Variants in CEP126 observed in about 807,000 individuals in gnomAD.
CEP126 encodes the protein centrosomal protein 126.
In CEP126, 74 loss-of-function variants were observed where a neutral mutation model predicts 107.8. That is an observed-to-expected ratio of 0.69 (90% CI 0.57 to 0.83). CEP126 has a LOEUF of 0.83. Among genes scored for constraint, CEP126 ranks in the 40% least tolerant of loss-of-function variants. The pLI is 0.00. For missense variants in CEP126, 1,237 were observed against 1,281.9 expected (o/e 0.96, Z 0.53); for synonymous variants, 449 against 446.0 (o/e 1.01, Z -0.08).
intron 3 of CEP126, among the ~76,000 whole-genome samples, chr11:101,947,674 G>A (rs534973272): frequency 1.3e-5 from 2 of 152,192 alleles, no homozygotes; most frequent in East Asian, 3.9e-4. Context: ...GTTAGTTGGT[G>A]TTTTTGTATG....
intron 10 of CEP126, among the ~76,000 whole-genome samples, chr11:101,994,486 GT>G (rs1310747714): frequency 1.3e-5 from 2 of 151,936 alleles, no homozygotes; most frequent in Non-Finnish European, 2.9e-5. Context: ...ATCCTCCAGG[GT>G]TTTTATAGTT....
In CEP126 at chr11:101,915,197, G is replaced by A; in HGVS notation, c.-88G>A. The A allele has an allele frequency of 4.4e-6, 7 of 1,574,482 alleles. No homozygotes were observed. The highest frequency in any genetic ancestry group is 6.0e-6 in the Non-Finnish European group (7 of 1,157,414). ...CGCGGGGCCTGAGAGACGGAGTGTA[G>A]GGAGGGGCCGAGCAGGAGGAGGAGG... On this transcript the variant is annotated 5_prime_UTR_variant, in exon 1 of 11. Transcript: ENST00000263468.
In CEP126 at chr11:101,927,695, CT is replaced by C. The variant is rs201935381; in HGVS notation, c.248+4938del. ...AGGATTGACTTTTCTCAGTACAATT[CT>C]TTGGGATTCATTCAAGTTGTAGTGT... is the stretch of plus-strand genomic sequence containing the variant. On this transcript the variant is annotated intron_variant, in intron 2 of 10. Coordinates refer to ENST00000263468, the MANE Select transcript of CEP126 (RefSeq NM_020802.4). Among the ~76,000 whole-genome samples the C allele has an allele frequency of 8.4e-3, 1,279 of 152,192 alleles. 20 individuals carry two copies. Among genetic ancestry groups the C allele is most frequent in the African/African-American group, 0.029 (1,206 of 41,528 alleles).
intron 7 of CEP126, among the ~76,000 whole-genome samples, chr11:101,981,667 T>A (rs191458954): frequency 2.2e-4 from 34 of 152,178 alleles, no homozygotes; most frequent in Non-Finnish European, 2.9e-5. Context: ...AATCTGAAAA[T>A]TTTTTTGTGG....
At chr11:101,921,387 G>A (rs939029579) in intron 1 of CEP126, among the ~76,000 whole-genome samples, 1 of 151,988 alleles carries the variant, frequency 6.6e-6, no homozygotes, top group Non-Finnish European at 1.5e-5. Context: ...GACTATGAGG[G>A]CAACTTGTTA....
At chr11:101,959,995 G>T (rs915398603) in intron 5 of CEP126, among the ~76,000 whole-genome samples, 4 of 152,042 alleles carry the variant, frequency 2.6e-5, no homozygotes, top group African/African-American at 9.7e-5. Flanking sequence ...ACCATCGCTG[G>T]AAATGTTTCA....
At chr11:101,933,038 G>A (rs1460745738) in intron 2 of CEP126, among the ~76,000 whole-genome samples, 7 of 152,158 alleles carry the variant, frequency 4.6e-5, no homozygotes, top group African/African-American at 1.2e-4. Flanking sequence ...AAAGCATTGT[G>A]TTAGGAACAG....
At position 101,952,763 on chromosome 11, in the gene CEP126, A is replaced by G. The variant is rs546120836; in HGVS notation, c.506+4621A>G. Among the ~76,000 whole-genome samples, 7 of 152,348 alleles carry G rather than the reference A, an allele frequency of 4.6e-5. No individual in the cohort carries two copies. In the South Asian group the frequency reaches 1.0e-3, roughly 23 times the overall value. ...TATTCAAGAGCCAATTTCTTATAGTAAGAAATCTGGGCCATGAATGTAGAC... is the reference window on the plus strand; with the variant it reads ...TATTCAAGAGCCAATTTCTTATAGTGAGAAATCTGGGCCATGAATGTAGAC... On this transcript the variant is annotated intron_variant, in intron 4 of 10. Transcript: ENST00000263468.
chr11:101,964,470 C>T (rs1941035368), intron 6 of CEP126, among the ~76,000 whole-genome samples: 1 of 149,660 alleles, frequency 6.7e-6, no homozygotes, highest in Admixed American at 6.6e-5. Context: ...CCTGTCTCTA[C>T]AAAAATACAA....
Position 101,958,340 on chromosome 11 carries a change from G to GA in CEP126, c.681dup (p.Asp228ArgfsTer12). The GA allele has an allele frequency of 3.7e-6, 6 of 1,613,792 alleles. No individual in the cohort carries two copies. Among genetic ancestry groups the GA allele is most frequent in the Non-Finnish European group, 5.1e-6 (6 of 1,179,852 alleles). Reference sequence around the variant, plus strand: ...ACTGGAGGAAACTCAGAAACTCCTCGAAGATCAACATCTAAGCAATTTGCA... The same window carrying GA: ...ACTGGAGGAAACTCAGAAACTCCTCGAAAGATCAACATCTAAGCAATTTGCA... On this transcript the variant is annotated frameshift_variant, in exon 5 of 11. Transcript: ENST00000263468. LOFTEE classifies it high-confidence loss of function.
At chr11:101,968,459 A>C (rs1941085808) in intron 6 of CEP126, among the ~76,000 whole-genome samples, 1 of 152,208 alleles carries the variant, frequency 6.6e-6, no homozygotes. Flanking sequence ...TTTTGTCAAT[A>C]AAATATTAGG....
intron 2 of CEP126, among the ~76,000 whole-genome samples, chr11:101,936,638 A>T (rs1013637077): frequency 6.6e-6 from 1 of 152,214 alleles, no homozygotes; most frequent in South Asian, 2.1e-4. Context: ...TCTTTGCCTT[A>T]TACCTTTTGG....
chr11:101,964,487 GC>G, intron 6 of CEP126, among the ~76,000 whole-genome samples: 1 of 152,076 alleles, frequency 6.6e-6, no homozygotes, highest in Non-Finnish European at 1.5e-5. Context: ...ACAAAAATTA[GC>G]CGGGCATGGT....
At chr11:101,971,535 CGGGGGGAGGTG>C (rs1042785188) in intron 6 of CEP126, among the ~76,000 whole-genome samples, 2 of 151,570 alleles carry the variant, frequency 1.3e-5, no homozygotes, top group African/African-American at 4.8e-5. Context: ...AAGGTTTGGG[CGGGGGGAGGTG>C]TTGCGTTGTT....
intron 3 of CEP126, 142 bp downstream of exon 3, chr11:101,944,552 C>A: frequency 1.4e-6 from 1 of 739,318 alleles, no homozygotes; most frequent in Non-Finnish European, 2.1e-6. Context: ...GCACTTTAAC[C>A]AAAGAAAAAT....
chr11:101,950,322 A>C (rs1940794313), intron 4 of CEP126, among the ~76,000 whole-genome samples: 1 of 152,214 alleles, frequency 6.6e-6, no homozygotes. Flanking sequence ...ATGTATGGCC[A>C]ATATATGGCT....
intron 5 of CEP126, among the ~76,000 whole-genome samples, chr11:101,959,894 C>A (rs1242353139): frequency 6.6e-6 from 1 of 151,962 alleles, no homozygotes; most frequent in Non-Finnish European, 1.5e-5. Flanking sequence ...TTGTTAGTGA[C>A]CTGTGAGACC....
chr11:101,922,218 G>A lies in CEP126; in HGVS notation c.129-423G>A, dbSNP rs557320479. On this transcript the variant is annotated intron_variant, in intron 1 of 10. Coordinates refer to ENST00000263468, the MANE Select transcript of CEP126 (RefSeq NM_020802.4). ...TTGCTCTTGTCACCCAGACTGGAGTGCAATGGCACAACCTTGGCTCACTGC... is the reference window on the plus strand; with the variant it reads ...TTGCTCTTGTCACCCAGACTGGAGTACAATGGCACAACCTTGGCTCACTGC... Among the ~76,000 whole-genome samples, 4 of 146,110 alleles carry A rather than the reference G, an allele frequency of 2.7e-5. No individual in the cohort carries two copies. The East Asian group carries it at 8.1e-4, about 30-fold the overall frequency.
intron 2 of CEP126, among the ~76,000 whole-genome samples, chr11:101,937,925 G>T (rs1310572054): frequency 6.6e-6 from 1 of 151,002 alleles, no homozygotes; most frequent in African/African-American, 2.4e-5. Context: ...AGGCCGAGGC[G>T]GGTGGATCAT....
Sources: allele counts gnomAD v4.1 joint callset (sites outside exome capture counted in the v4.1 genomes callset), GRCh38; gene constraint gnomAD v4.1.1; transcripts MANE v1.5; gene names NCBI Gene and HGNC (gene_info 2026-07-23, HGNC 2026-07-21).